Variants in FAM149B1 observed in about 807,000 individuals in gnomAD.
FAM149B1 encodes the protein primary cilium assembly protein FAM149B1.
In FAM149B1, 56 loss-of-function variants were observed where a neutral mutation model predicts 75.3. The ratio of observed to expected loss-of-function variants is 0.74; its 90% CI spans 0.60 to 0.93. The LOEUF (loss-of-function observed/expected upper bound fraction) is 0.93. FAM149B1 is among the 40% of genes least tolerant of loss of function. The probability of loss-of-function intolerance (pLI) is 0.00; values close to 1 mark genes in which losing one functional copy is unlikely to be tolerated. For synonymous variants in FAM149B1, 259 were observed against 256.1 expected (o/e 1.01, Z -0.11); for missense variants, 639 against 708.4 (o/e 0.90, Z 1.11).
rs1164879714 is a variant in FAM149B1 at position 73,242,566 on chromosome 10, T to C, written c.*1547T>C. On this transcript the variant is annotated 3_prime_UTR_variant, in exon 14 of 14. Coordinates refer to ENST00000242505, the MANE Select transcript of FAM149B1 (RefSeq NM_173348.2). ...CAAATTTGGATTTCACTCTTTGTTT[T>C]GATGTAGTAACTCTTTTATAAAAGG... The C allele has an allele frequency of 6.6e-6, 1 of 152,198 alleles. No individual in the cohort carries two copies. The highest frequency in any genetic ancestry group is 1.9e-4 in the East Asian group (1 of 5,204). The allele number at this position is 152,198 out of a possible 1,614,324, so 9.4% of individuals were successfully genotyped here.
intron 5 of FAM149B1, among the ~76,000 whole-genome samples, chr10:73,197,148 C>T (rs964920509): frequency 2.6e-5 from 4 of 152,018 alleles, no homozygotes; most frequent in East Asian, 1.9e-4. Flanking sequence ...GGACCACAGG[C>T]GTGCTCCACC....
chr10:73,225,314 C>T (rs181040611), intron 7 of FAM149B1, among the ~76,000 whole-genome samples: 1 of 152,284 alleles, frequency 6.6e-6, no homozygotes, highest in Admixed American at 6.5e-5. Flanking sequence ...GTGTGTTACA[C>T]AACCTTTGAA....
Position 73,173,765 on chromosome 10 carries a change from A to T in FAM149B1, c.48-922A>T, listed in dbSNP as rs747665283. Among the ~76,000 whole-genome samples the T allele has an allele frequency of 7.2e-5, 11 of 152,080 alleles. No individual in the cohort carries two copies. The South Asian group carries it at 8.3e-4, about 11-fold the overall frequency. Reference sequence around the variant, plus strand: ...CATTCATGACATACCTTTTTCTTAAATTTTTTCGATATTTCTAGGCTACAT... The same window carrying T: ...CATTCATGACATACCTTTTTCTTAATTTTTTTCGATATTTCTAGGCTACAT... On this transcript the variant is annotated intron_variant, in intron 1 of 13. Transcript: ENST00000242505.
intron 8 of FAM149B1, among the ~76,000 whole-genome samples, chr10:73,229,037 CTG>C (rs2043622965): frequency 6.6e-6 from 1 of 152,110 alleles, no homozygotes; most frequent in South Asian, 2.1e-4. Context: ...ATATTTAAAT[CTG>C]TTAACTTTTT....
intron 5 of FAM149B1, among the ~76,000 whole-genome samples, chr10:73,194,829 G>A (rs373701136): frequency 6.6e-6 from 1 of 151,742 alleles, no homozygotes; most frequent in African/African-American, 2.4e-5. Flanking sequence ...GATTACAGGC[G>A]CCCAGCACCA....
intron 7 of FAM149B1, among the ~76,000 whole-genome samples, chr10:73,212,243 C>T (rs1360889942): frequency 6.6e-6 from 1 of 152,146 alleles, no homozygotes; most frequent in Admixed American, 6.5e-5. Context: ...CATATCTTTG[C>T]TACCGTGAAT....
At chr10:73,237,884 T>C (rs1244259375) in intron 12 of FAM149B1, among the ~76,000 whole-genome samples, 2 of 152,168 alleles carry the variant, frequency 1.3e-5, no homozygotes, top group African/African-American at 2.4e-5. Context: ...CCTCTGCACC[T>C]GGCTAAAAAC....
chr10:73,186,042 T>A (rs2042514075), intron 3 of FAM149B1, among the ~76,000 whole-genome samples: 1 of 151,968 alleles, frequency 6.6e-6, no homozygotes, highest in Admixed American at 6.6e-5. Context: ...AAAACTTCAT[T>A]AACAAACCAA....
intron 9 of FAM149B1, among the ~76,000 whole-genome samples, chr10:73,232,565 C>T (rs1057506789): frequency 3.9e-5 from 6 of 152,198 alleles, no homozygotes; most frequent in Admixed American, 3.9e-4. Flanking sequence ...CAAAAGAATG[C>T]CTCAAACAGA....
At chr10:73,192,466 A>C in intron 3 of FAM149B1, 90 bp from the exon 4 acceptor site, 3 of 1,301,182 alleles carry the variant, frequency 2.3e-6, no homozygotes, top group Non-Finnish European at 3.2e-6. Context: ...ATATGTAAAC[A>C]AAACAAGTCT....
At chr10:73,183,226 C>G (rs1442635902) in intron 3 of FAM149B1, 3 of 152,080 alleles carry the variant, frequency 2.0e-5, no homozygotes, top group Admixed American at 6.6e-5. Flanking sequence ...CTGATTAAAG[C>G]AAAATATATG....
At chr10:73,228,749 C>T (rs950751796) in intron 8 of FAM149B1, among the ~76,000 whole-genome samples, 2 of 152,076 alleles carry the variant, frequency 1.3e-5, no homozygotes, top group Non-Finnish European at 2.9e-5. Flanking sequence ...AGATGTGCAC[C>T]ACCACTCGGC....
At position 73,173,292 on chromosome 10, in the gene FAM149B1, G is replaced by A. The variant is rs1843795039; in HGVS notation, c.48-1395G>A. On this transcript the variant is annotated intron_variant, in intron 1 of 13. Coordinates refer to ENST00000242505, the MANE Select transcript of FAM149B1 (RefSeq NM_173348.2). ...TTTAAAAGCCAGGAAAATGACGTTG[G>A]TACAATACTGTTAACTAGACCTACA... 2.0e-5 allele frequency among the ~76,000 whole-genome samples: 3 copies of A among 152,138 alleles called. No homozygotes were observed. The South Asian group carries it at 6.2e-4, about 32-fold the overall frequency.
At chr10:73,177,539 A>G (rs1470074839) in intron 2 of FAM149B1, among the ~76,000 whole-genome samples, 1 of 151,928 alleles carries the variant, frequency 6.6e-6, no homozygotes, top group Non-Finnish European at 1.5e-5. Context: ...GTGCCACTGC[A>G]CTGTAGCCTG....
intron 5 of FAM149B1, among the ~76,000 whole-genome samples, chr10:73,207,634 C>T (rs1162959848): frequency 1.3e-5 from 2 of 152,246 alleles, no homozygotes; most frequent in Middle Eastern, 3.4e-3. Context: ...TGAGAGCAAC[C>T]TTGGGAGCTG....
In FAM149B1 at chr10:73,168,217, G is replaced by A. The variant is rs1386469901; in HGVS notation, c.-123G>A. ...GAGTCTAGGTGACGGGGCGAGACGG[G>A]GCCGGTAGGTGGCGGGAGGGGCCGG... On this transcript the variant is annotated 5_prime_UTR_variant, in exon 1 of 14. Coordinates refer to ENST00000242505, the MANE Select transcript of FAM149B1 (RefSeq NM_173348.2). The A allele has an allele frequency of 1.9e-6, 2 of 1,039,056 alleles. No individual in the cohort carries two copies. Among genetic ancestry groups the A allele is most frequent in the South Asian group, 1.7e-5 (1 of 60,454 alleles). The allele number at this position is 1,039,056 out of a possible 1,614,324, so 64.4% of individuals were successfully genotyped here.
chr10:73,240,888 T>G, intron 13 of FAM149B1, 58 bp from the exon 14 acceptor site: 1 of 1,031,896 alleles, frequency 9.7e-7, no homozygotes, highest in South Asian at 1.4e-5. Flanking sequence ...AGCTATAAAC[T>G]TGAGAGTGAT....
At chr10:73,184,308 A>G (rs1337406435) in intron 3 of FAM149B1, among the ~76,000 whole-genome samples, 1 of 152,234 alleles carries the variant, frequency 6.6e-6, no homozygotes, top group Non-Finnish European at 1.5e-5. Flanking sequence ...GTAACATCTA[A>G]TAACCAAGTC....
Position 73,193,516 on chromosome 10 carries a change from T to C in FAM149B1, c.465T>C (p.Tyr155=), listed in dbSNP as rs756361143. The stretch of plus-strand genomic sequence containing the variant: ...AGATAATCACTCCAAGTGAAGGTTA[T>C]AGATTGTATCCTAGATCCCCTTCTG... ...GRQIITPSEG[Y]RLYPRSPSAV... is the part of the protein sequence containing the mutation. Residue 155 remains tyrosine, a synonymous_variant, in exon 5 of 14, where the codon TAT becomes TAC. Coordinates refer to ENST00000242505, the MANE Select transcript of FAM149B1 (RefSeq NM_173348.2). The C allele has an allele frequency of 6.4e-7, 1 of 1,550,532 alleles. No homozygotes were observed. Among genetic ancestry groups the C allele is most frequent in the South Asian group, 1.2e-5 (1 of 83,994 alleles).
Sources: allele counts gnomAD v4.1 joint callset (sites outside exome capture counted in the v4.1 genomes callset), GRCh38; gene constraint gnomAD v4.1.1; transcripts MANE v1.5; gene names NCBI Gene and HGNC (gene_info 2026-07-23, HGNC 2026-07-21).